The following PTPRG variants were observed in gnomAD, a reference collection of about 807,000 sequenced individuals.
PTPRG encodes protein tyrosine phosphatase receptor type G, also known as receptor-type tyrosine-protein phosphatase gamma.
In PTPRG, 102 loss-of-function variants were observed where a neutral mutation model predicts 165.3. That is an observed-to-expected ratio of 0.62 (90% CI 0.53 to 0.73). PTPRG has a LOEUF of 0.73. Ranked by LOEUF, PTPRG falls within the 30% of genes least tolerant of loss-of-function variation. The pLI is 0.00. For synonymous variants in PTPRG, 675 were observed against 669.5 expected (o/e 1.01, Z -0.13); for missense variants, 1,866 against 1,861.4 (o/e 1.00, Z -0.05).
At chr3:62,146,166 TTGACAAGAC>T (rs1226959513) in intron 6 of PTPRG, among the ~76,000 whole-genome samples, 1 of 152,256 alleles carries the variant, frequency 6.6e-6, no homozygotes, top group Non-Finnish European at 1.5e-5. Context: ...TCCTTAATTG[TTGACAAGAC>T]TGCTATCTTT....
chr3:61,812,041 T>A (rs968398901), intron 2 of PTPRG, among the ~76,000 whole-genome samples: 1 of 152,172 alleles, frequency 6.6e-6, no homozygotes, highest in African/African-American at 2.4e-5. Flanking sequence ...GAGGACATAG[T>A]GGGGAGCACC....
intron 1 of PTPRG, among the ~76,000 whole-genome samples, chr3:61,651,162 A>C (rs1702343747): frequency 6.6e-6 from 1 of 151,574 alleles, no homozygotes; most frequent in South Asian, 2.1e-4. Context: ...GGAAAAACAT[A>C]ATTTCTATAT....
At chr3:61,659,475 AAGGAG>A (rs1702600725) in intron 1 of PTPRG, 1 of 980,986 alleles carries the variant, frequency 1.0e-6, no homozygotes, top group Admixed American at 6.2e-5. Context: ...GGTGACCAGG[AAGGAG>A]AGTCAGAAGA....
chr3:61,988,793 C>T (rs76048044), intron 2 of PTPRG, among the ~76,000 whole-genome samples: 3,703 of 152,266 alleles, frequency 0.024, 121 homozygotes, highest in African/African-American at 0.075. Flanking sequence ...GTCTAAGAGC[C>T]TGTAGTCAAC....
Position 61,865,551 on chromosome 3 carries a change from G to A in PTPRG, c.190+116569G>A, listed in dbSNP as rs138037712. On this transcript the variant is annotated intron_variant, in intron 2 of 29. Transcript: ENST00000474889. ...ATCACCCTAAGCTAGGGAGTAGGTC[G>A]AATTAAGGGTACTACCTTCATATGG... is the stretch of plus-strand genomic sequence containing the variant. Among the ~76,000 whole-genome samples the A allele has an allele frequency of 4.9e-4, 75 of 152,228 alleles. 1 individual carries two copies. In the East Asian group the frequency reaches 7.0e-3, roughly 14 times the overall value.
At chr3:61,765,541 T>C (rs1391258143) in intron 2 of PTPRG, among the ~76,000 whole-genome samples, 1 of 152,044 alleles carries the variant, frequency 6.6e-6, no homozygotes, top group African/African-American at 2.4e-5. Flanking sequence ...CTGAGAAAAT[T>C]TATAGTTACC....
chr3:61,627,450 T>C (rs967682943), intron 1 of PTPRG, among the ~76,000 whole-genome samples: 2 of 152,204 alleles, frequency 1.3e-5, no homozygotes, highest in Non-Finnish European at 2.9e-5. Flanking sequence ...CTGTGTTCTA[T>C]TCTTTATGAT....
chr3:61,593,395 A>G, intron 1 of PTPRG, among the ~76,000 whole-genome samples: 1 of 56,112 alleles, frequency 1.8e-5, no homozygotes, highest in Admixed American at 2.0e-4. Flanking sequence ...AAAAATAATG[A>G]ATTGGAAAAA....
intron 2 of PTPRG, among the ~76,000 whole-genome samples, chr3:61,924,994 T>C (rs1180500732): frequency 6.6e-6 from 1 of 152,172 alleles, no homozygotes; most frequent in Non-Finnish European, 1.5e-5. Flanking sequence ...GAAGGTTATA[T>C]TGAAATCTTT....
At chr3:61,598,522 C>T (rs762521439) in intron 1 of PTPRG, among the ~76,000 whole-genome samples, 1 of 152,132 alleles carries the variant, frequency 6.6e-6, no homozygotes, top group Non-Finnish European at 1.5e-5. Context: ...AAGACACGCT[C>T]ATTAAACTCG....
intron 5 of PTPRG, among the ~76,000 whole-genome samples, chr3:62,091,209 A>G (rs1701916751): frequency 6.6e-6 from 1 of 152,168 alleles, no homozygotes; most frequent in Non-Finnish European, 1.5e-5. Flanking sequence ...CTCCTGGCCT[A>G]CTTGCATGTT....
At chr3:61,659,460 A>G (rs546266952) in intron 1 of PTPRG, 1 of 984,454 alleles carries the variant, frequency 1.0e-6, no homozygotes, top group South Asian at 4.7e-5. Context: ...TTGTCCAGAC[A>G]GTGGGGTGAC....
intron 2 of PTPRG, among the ~76,000 whole-genome samples, chr3:61,840,741 AG>A (rs1406218383): frequency 6.6e-6 from 1 of 150,838 alleles, no homozygotes; most frequent in Non-Finnish European, 1.5e-5. Context: ...ACAAATATAT[AG>A]GATACAGAAA....
At chr3:62,289,684 A>C in intron 28 of PTPRG, among the ~76,000 whole-genome samples, 1 of 145,598 alleles carries the variant, frequency 6.9e-6, no homozygotes, top group South Asian at 2.3e-4. Context: ...CAATAAAACA[A>C]CACCCATTCA....
At chr3:62,081,321 C>CTG (rs1701573058) in intron 5 of PTPRG, among the ~76,000 whole-genome samples, 1 of 151,976 alleles carries the variant, frequency 6.6e-6, no homozygotes, top group Non-Finnish European at 1.5e-5. Flanking sequence ...TAGATAGCAG[C>CTG]TGTATTAAGC....
intron 5 of PTPRG, among the ~76,000 whole-genome samples, chr3:62,102,501 G>A (rs1307873635): frequency 6.6e-6 from 1 of 152,140 alleles, no homozygotes; most frequent in Non-Finnish European, 1.5e-5. Context: ...CCGAACTCCT[G>A]ACCTCATGAT....
rs1431286884 is a variant in PTPRG at position 62,228,615 on chromosome 3, A to ATTT, written c.2289-2610_2289-2609insTTT. Among the ~76,000 whole-genome samples, 18 of 152,316 alleles carry ATTT rather than the reference A, an allele frequency of 1.2e-4. No homozygotes were observed. In the East Asian group the frequency reaches 3.3e-3, roughly 28 times the overall value. On this transcript the variant is annotated intron_variant, in intron 13 of 29. Coordinates refer to ENST00000474889, the MANE Select transcript of PTPRG (RefSeq NM_002841.4). The surrounding 1 kb of genome is among the most constrained non-coding windows in gnomAD (Gnocchi z 4.1). ...TGACCCAGAAGCACTGGATCATGGCACATTCATTATTTCTTAGGGCAAACT... is the reference window on the plus strand; with the variant it reads ...TGACCCAGAAGCACTGGATCATGGCATTTCATTCATTATTTCTTAGGGCAAACT...
chr3:61,578,476 T>C (rs571508982), intron 1 of PTPRG, among the ~76,000 whole-genome samples: 81 of 152,320 alleles, frequency 5.3e-4, no homozygotes, highest in African/African-American at 1.8e-3. Context: ...CCAGTTGGAT[T>C]GGGTGGTGGT....
intron 21 of PTPRG, among the ~76,000 whole-genome samples, chr3:62,272,409 T>G (rs1199962741): frequency 3.1e-4 from 47 of 152,242 alleles, no homozygotes; most frequent in Admixed American, 2.9e-3. Context: ...TGTTTAAAAA[T>G]GCTTTTATTC....
Sources: allele counts gnomAD v4.1 joint callset (sites outside exome capture counted in the v4.1 genomes callset), GRCh38; gene constraint gnomAD v4.1.1; non-coding constraint Gnocchi (gnomAD v3.1); transcripts MANE v1.5; gene names NCBI Gene and HGNC (gene_info 2026-07-23, HGNC 2026-07-21).